AK9: variants seen among roughly 807,000 people sequenced by gnomAD.
AK9 encodes adenylate kinase 9.
Under a neutral mutation model 239.6 loss-of-function variants are expected in AK9, and 191 were observed. The ratio of observed to expected loss-of-function variants is 0.80; its 90% CI spans 0.71 to 0.90. AK9 has a LOEUF of 0.90. Among genes scored for constraint, AK9 ranks in the 40% least tolerant of loss-of-function variants. AK9 has a pLI of 0.00. For synonymous variants in AK9, 689 were observed against 721.0 expected, an observed-to-expected ratio of 0.96 and a Z score of 0.71; for missense variants, 1,995 against 2,214.7, an observed-to-expected ratio of 0.90 and a Z score of 1.99.
intron 12 of AK9, among the ~76,000 whole-genome samples, chr6:109,625,497 C>T (rs1014347494): frequency 3.3e-5 from 5 of 152,172 alleles, no homozygotes; most frequent in East Asian, 1.9e-4. Flanking sequence ...GGTGAGCGGT[C>T]GATGAGCGTT....
chr6:109,565,178 T>C (rs998729860), intron 21 of AK9, among the ~76,000 whole-genome samples: 8 of 152,190 alleles, frequency 5.3e-5, no homozygotes, highest in African/African-American at 1.9e-4. Flanking sequence ...TTTAATTTCT[T>C]ATTAAAAATA....
chr6:109,556,129 T>A (rs1049897783), intron 24 of AK9, among the ~76,000 whole-genome samples: 1 of 152,202 alleles, frequency 6.6e-6, no homozygotes, highest in Non-Finnish European at 1.5e-5. Context: ...TTGGTGTATT[T>A]TTGCAGTGGC....
In AK9 at chr6:109,619,023, C is replaced by G. The variant is rs2128247478; in HGVS notation, c.1399+69G>C. On this transcript the variant is annotated intron_variant, in intron 13 of 40. Transcript: ENST00000424296. Reference sequence around the variant, plus strand: ...ATGCCAAGATGAGCTAAACAAAGTCCTTGCTTTCAAGTAGCCCGGCTTAAT... The same window carrying G: ...ATGCCAAGATGAGCTAAACAAAGTCGTTGCTTTCAAGTAGCCCGGCTTAAT... The G allele has an allele frequency of 6.8e-6, 10 of 1,466,534 alleles. No individual in the cohort carries two copies. In the Middle Eastern group the frequency reaches 1.2e-3, roughly 176 times the overall value. The allele number at this position is 1,466,534 out of a possible 1,614,324, so 90.8% of individuals were successfully genotyped here. A position where few individuals can be genotyped will look rare whatever the true frequency, so the allele number is the denominator to read the frequency against.
At chr6:109,589,918 C>T (rs750836539) in intron 17 of AK9, among the ~76,000 whole-genome samples, 1 of 152,082 alleles carries the variant, frequency 6.6e-6, no homozygotes, top group Non-Finnish European at 1.5e-5. Context: ...ATAAAATCCA[C>T]TTGATTATGC....
At chr6:109,546,327 G>T (rs532053428) in intron 25 of AK9, among the ~76,000 whole-genome samples, 200 bp from the exon 26 acceptor site, 1 of 152,260 alleles carries the variant, frequency 6.6e-6, no homozygotes, top group South Asian at 2.1e-4. Flanking sequence ...GGTCCTCAGG[G>T]AGCACCAACA....
chr6:109,594,919 T>C (rs1286214433), intron 17 of AK9, among the ~76,000 whole-genome samples: 1 of 152,176 alleles, frequency 6.6e-6, no homozygotes, highest in Non-Finnish European at 1.5e-5. Context: ...GAAGAAAACC[T>C]AAGCAATACC....
chr6:109,649,864 G>A (rs1341639270), intron 8 of AK9, among the ~76,000 whole-genome samples: 12 of 152,008 alleles, frequency 7.9e-5, no homozygotes, highest in African/African-American at 1.9e-4. Context: ...CCAAAACAGT[G>A]TGGTACTGGT....
chr6:109,562,378 CTG>C (rs1353998270), intron 24 of AK9, among the ~76,000 whole-genome samples: 4 of 152,148 alleles, frequency 2.6e-5, no homozygotes, highest in Non-Finnish European at 5.9e-5. Flanking sequence ...TTCTATATCT[CTG>C]TTTAACTTTT....
chr6:109,679,041 G>A (rs754950707), intron 1 of AK9, among the ~76,000 whole-genome samples: 2 of 152,208 alleles, frequency 1.3e-5, no homozygotes, highest in Non-Finnish European at 2.9e-5. Flanking sequence ...TGTTTGAGCA[G>A]ACACCAAGCT....
At chr6:109,627,666 G>GT (rs34218860) in intron 12 of AK9, among the ~76,000 whole-genome samples, 88,402 of 151,702 alleles carry the variant, frequency 0.58, 27,442 homozygotes, top group East Asian at 0.84. Flanking sequence ...TCTGTTTTTT[G>GT]TTTTTTTGAG....
chr6:109,676,165 T>C (rs1771727189), intron 1 of AK9, among the ~76,000 whole-genome samples: 1 of 152,134 alleles, frequency 6.6e-6, no homozygotes, highest in Non-Finnish European at 1.5e-5. Context: ...TATTTTCATA[T>C]TTTAGGAAGC....
At chr6:109,615,949 A>G (rs1018286654) in intron 13 of AK9, among the ~76,000 whole-genome samples, 6 of 152,010 alleles carry the variant, frequency 3.9e-5, no homozygotes, top group Non-Finnish European at 8.8e-5. Context: ...TTATAAGAAT[A>G]ATGAAACTAG....
rs1777420511 is a variant in AK9, at chr6:109,499,821, A to T, written c.4850-581T>A. Among the ~76,000 whole-genome samples, 3 of 152,130 alleles carry T rather than the reference A, an allele frequency of 2.0e-5. No homozygotes were observed. The South Asian group carries it at 6.2e-4, about 31-fold the overall frequency. On this transcript the variant is annotated intron_variant, in intron 35 of 40. Transcript: ENST00000424296. ...TGCCATGCTGGCCAGGTTGGTCTCG[A>T]ATTCCTGGCCTCAGGTGATCCACCC...
chr6:109,623,862 G>GACACACACACACACACACAC (rs567410173), intron 12 of AK9, among the ~76,000 whole-genome samples: 2 of 136,190 alleles, frequency 1.5e-5, no homozygotes, highest in East Asian at 2.1e-4. Context: ...AGGAATCTTA[G>GACACACACACACACACACAC]ACACACACAC....
intron 10 of AK9, among the ~76,000 whole-genome samples, chr6:109,636,595 C>G (rs979631698): frequency 6.6e-6 from 1 of 151,086 alleles, no homozygotes; most frequent in African/African-American, 2.4e-5. Flanking sequence ...ATCCTACATT[C>G]TGTCTCTATG....
At chr6:109,514,496 G>A in intron 31 of AK9, 59 bp from the exon 32 acceptor site, 2 of 1,358,046 alleles carry the variant, frequency 1.5e-6, no homozygotes, top group Non-Finnish European at 2.0e-6. Context: ...GCACTTCCCT[G>A]AAACATATTT....
At chr6:109,508,187 G>A (rs1251706114) in intron 33 of AK9, among the ~76,000 whole-genome samples, 1 of 152,224 alleles carries the variant, frequency 6.6e-6, no homozygotes, top group African/African-American at 2.4e-5. Context: ...AGAGGGGATT[G>A]TTGGCTAGGC....
chr6:109,634,700 A>G (rs559011045), intron 10 of AK9, among the ~76,000 whole-genome samples: 46 of 152,350 alleles, frequency 3.0e-4, no homozygotes, highest in Admixed American at 1.0e-3. Flanking sequence ...GGAGAGTTGT[A>G]TAAGACTGAG....
intron 3 of AK9, 107 bp from the exon 4 acceptor site, chr6:109,672,274 T>C (rs915965024): frequency 4.2e-5 from 42 of 1,001,348 alleles, no homozygotes; most frequent in Non-Finnish European, 1.8e-5. Context: ...CATTTGTGCA[T>C]CACTTTATAA....
Sources: allele counts gnomAD v4.1 joint callset (sites outside exome capture counted in the v4.1 genomes callset), GRCh38; gene constraint gnomAD v4.1.1; transcripts MANE v1.5; gene names NCBI Gene and HGNC (gene_info 2026-07-23, HGNC 2026-07-21).